CHAT: variants seen among roughly 807,000 people sequenced by gnomAD.
CHAT encodes the protein choline O-acetyltransferase.
Under a neutral mutation model 76.9 loss-of-function variants are expected in CHAT, and 61 were observed. The observed-to-expected ratio is 0.79, with a 90% CI of 0.65 to 0.98. CHAT has a LOEUF of 0.98. Ranked by LOEUF, CHAT falls within the 50% of genes least tolerant of loss-of-function variation. CHAT has a pLI of 0.00. For synonymous variants in CHAT, 407 were observed against 397.4 expected, an observed-to-expected ratio of 1.02 and a Z score of -0.29; for missense variants, 946 against 986.9, an observed-to-expected ratio of 0.96 and a Z score of 0.56.
In CHAT at chr10:49,646,558, T is replaced by A; in HGVS notation, c.1165T>A (p.Cys389Ser). 6.2e-7 allele frequency: 1 copy of A among 1,614,226 alleles called. No homozygotes were observed. Among genetic ancestry groups the A allele is most frequent in the Non-Finnish European group, 8.5e-7 (1 of 1,180,034 alleles). The part of the protein sequence containing the change: ...DMIERCICLV[C>S]LDAPGGVELS... The stretch of plus-strand genomic sequence containing the variant: ...GATTGAGCGCTGCATCTGCCTTGTA[T>A]GCCTGGACGCGCCAGGAGGCGTGGA... The change falls in exon 8 of 15, where the codon TGC becomes AGC. Residue 389 changes from cysteine to serine, a missense_variant. By Grantham distance (112) the Cys-to-Ser change is moderately radical. Around this residue, in one of 3 missense-constraint regions of CHAT, gnomAD observed 548 missense variants for 516.2 expected, o/e 1.06. Transcript: ENST00000337653.
chr10:49,611,401 A>C, upstream of CHAT: 2 of 1,598,518 alleles, frequency 1.3e-6, no homozygotes, highest in Non-Finnish European at 1.7e-6. Flanking sequence ...GCTGGCCTTC[A>C]TTAGCTTCGG....
At chr10:49,626,123 T>G (rs925849461) in intron 6 of CHAT, among the ~76,000 whole-genome samples, 1 of 152,184 alleles carries the variant, frequency 6.6e-6, no homozygotes, top group Non-Finnish European at 1.5e-5. Flanking sequence ...TGTGTGACAG[T>G]TGAGGACATG....
intron 8 of CHAT, among the ~76,000 whole-genome samples, chr10:49,646,931 C>G (rs992251425): frequency 1.3e-5 from 2 of 152,200 alleles, no homozygotes; most frequent in Admixed American, 1.3e-4. Flanking sequence ...CTCAAACTCC[C>G]TAACCTTCCT....
At chr10:49,658,540 C>G (rs1165299128) in intron 13 of CHAT, among the ~76,000 whole-genome samples, 1 of 151,324 alleles carries the variant, frequency 6.6e-6, no homozygotes, top group Non-Finnish European at 1.5e-5. Flanking sequence ...CAAACCAAAA[C>G]ACCACCACCA....
chr10:49,638,366 G>A (rs143703824), intron 7 of CHAT, among the ~76,000 whole-genome samples: 14 of 152,214 alleles, frequency 9.2e-5, no homozygotes, highest in African/African-American at 3.4e-4. Context: ...GCATATAGCT[G>A]GGTAATGTTT....
At chr10:49,611,898 AC>A (rs769881006), upstream of CHAT, 1 of 1,611,366 alleles carries the variant, frequency 6.2e-7, no homozygotes, top group South Asian at 1.1e-5. Flanking sequence ...TAGTGGTCTC[AC>A]TATGCGGCCT....
chr10:49,619,553 A>C (rs902397587), intron 2 of CHAT, among the ~76,000 whole-genome samples, 172 bp from the exon 3 acceptor site: 3 of 152,192 alleles, frequency 2.0e-5, no homozygotes, highest in Non-Finnish European at 4.4e-5. Flanking sequence ...CAGGGACGCC[A>C]AACAGGAACT....
chr10:49,610,861 G>T (rs779098008), upstream of CHAT: 8 of 1,612,900 alleles, frequency 5.0e-6, no homozygotes, highest in Middle Eastern at 1.6e-4. Flanking sequence ...TATCGTGTGC[G>T]TGGCGCTGTT....
At chr10:49,624,011 T>C (rs1249186182) in intron 5 of CHAT, among the ~76,000 whole-genome samples, 2 of 152,188 alleles carry the variant, frequency 1.3e-5, no homozygotes, top group African/African-American at 4.8e-5. Flanking sequence ...AACCCAGTCA[T>C]GCCCCTGCGT....
chr10:49,664,257 A>T (rs915118674), intron 14 of CHAT, among the ~76,000 whole-genome samples: 2 of 152,198 alleles, frequency 1.3e-5, no homozygotes, highest in Non-Finnish European at 2.9e-5. Context: ...AATCTTTGAA[A>T]CACCCAACTC....
At chr10:49,616,059 C>T in intron 1 of CHAT, 1 of 1,613,912 alleles carries the variant, frequency 6.2e-7, no homozygotes, top group Non-Finnish European at 8.5e-7. Flanking sequence ...AGAGATGTGG[C>T]CGGAATGCAG....
intron 1 of CHAT, 33 bp downstream of exon 1, chr10:49,614,508 C>T: frequency 2.0e-6 from 3 of 1,479,880 alleles, no homozygotes; most frequent in Non-Finnish European, 2.7e-6. Context: ...GCTGGCGGAG[C>T]GCGGTGCCGG....
intron 14 of CHAT, among the ~76,000 whole-genome samples, chr10:49,663,579 T>A (rs1178462996): frequency 1.3e-5 from 2 of 152,206 alleles, no homozygotes; most frequent in Non-Finnish European, 2.9e-5. Flanking sequence ...TGCCTCAGCG[T>A]GTCCTGTATG....
chr10:49,663,571 C>T (rs929101197), intron 14 of CHAT, among the ~76,000 whole-genome samples: 2 of 152,214 alleles, frequency 1.3e-5, no homozygotes, highest in Admixed American at 6.5e-5. Flanking sequence ...CTAACCAGTG[C>T]CTCAGCGTGT....
upstream of CHAT, chr10:49,610,995 C>CT (rs1838278956): frequency 6.2e-7 from 1 of 1,612,728 alleles, no homozygotes; most frequent in East Asian, 2.2e-5. Context: ...TGCCGCTGCC[C>CT]ACTCCGGCCA....
At chr10:49,630,304 T>C (rs1205715716) in intron 7 of CHAT, among the ~76,000 whole-genome samples, 1 of 146,274 alleles carries the variant, frequency 6.8e-6, no homozygotes, top group African/African-American at 2.5e-5. Flanking sequence ...GAGTAGCCCA[T>C]GAAGTAAAGG....
chr10:49,662,552 A>T, intron 13 of CHAT, 93 bp from the exon 14 acceptor site: 1 of 1,494,280 alleles, frequency 6.7e-7, no homozygotes, highest in Non-Finnish European at 9.3e-7. Context: ...TGGCTGCTGG[A>T]GTCACCAGCA....
chr10:49,633,850 G>A (rs959332122), intron 7 of CHAT, among the ~76,000 whole-genome samples: 5 of 152,086 alleles, frequency 3.3e-5, no homozygotes, highest in Non-Finnish European at 5.9e-5. Context: ...ATTTATCCCC[G>A]ACAGTCAATT....
chr10:49,663,323 A>G (rs910279678), intron 14 of CHAT, among the ~76,000 whole-genome samples: 2 of 152,194 alleles, frequency 1.3e-5, no homozygotes, highest in African/African-American at 4.8e-5. Flanking sequence ...GTACAGGAAC[A>G]TACCCATTCT....
Sources: gnomAD v4.1 joint callset for allele counts (sites outside exome capture counted in the v4.1 genomes callset) on GRCh38, gnomAD v4.1.1 for gene constraint, gnomAD v4.1.1 regional missense constraint, MANE v1.5 for transcripts, NCBI Gene and HGNC (gene_info 2026-07-23, HGNC 2026-07-21) for gene names.